The following SCUBE1 variants were observed in gnomAD, a reference collection of about 807,000 sequenced individuals.
SCUBE1 encodes the protein signal peptide, CUB domain and EGF like domain containing 1.
Under a neutral mutation model 124.4 loss-of-function variants are expected in SCUBE1, and 59 were observed. The ratio of observed to expected loss-of-function variants is 0.47; its 90% CI spans 0.38 to 0.59. The LOEUF is 0.59. Among genes scored for constraint, SCUBE1 ranks in the 20% least tolerant of loss-of-function variants. The pLI is 0.00. For synonymous variants in SCUBE1, 545 were observed against 550.9 expected (o/e 0.99, Z 0.15); for missense variants, 1,150 against 1,371.2 (o/e 0.84, Z 2.55).
In SCUBE1 at chr22:43,214,242, C is replaced by T. The variant is rs143793769; in HGVS notation, c.1901G>A (p.Gly634Glu). The change falls in exon 16 of 22, where the codon GGG becomes GAG. Residue 634 changes from glycine (G) to glutamate (E), a missense_variant. Gly to Glu is a moderately conservative substitution (Grantham distance 98, BLOSUM62 -2). Coordinates refer to ENST00000360835, the MANE Select transcript of SCUBE1 (RefSeq NM_173050.5). ...CTCACCACCGAAGTGGGTGCCAGGC[C>T]CACAGGCAACTGCAGAGGCAAAGCG... ...VLQDSKCVAC[G>E]PGTHFGGELG... is the part of the protein sequence containing the mutation. The T allele has an allele frequency of 1.9e-6, 3 of 1,611,796 alleles. No homozygotes were observed. The African/African-American group carries it at 4.0e-5, about 22-fold the overall frequency.
At chr22:43,254,724 G>A (rs1355168770) in intron 6 of SCUBE1, among the ~76,000 whole-genome samples, 1 of 152,242 alleles carries the variant, frequency 6.6e-6, no homozygotes, top group Non-Finnish European at 1.5e-5. Context: ...CCACAGCTAC[G>A]CTCAGGAGGT....
At chr22:43,308,494 T>A (rs1601879126) in intron 3 of SCUBE1, among the ~76,000 whole-genome samples, 1 of 152,372 alleles carries the variant, frequency 6.6e-6, no homozygotes, top group East Asian at 1.9e-4. Context: ...AGAAATGTAT[T>A]TGAGCTGTTG....
chr22:43,287,011 C>T (rs6003138), intron 4 of SCUBE1, among the ~76,000 whole-genome samples: 21,336 of 152,156 alleles, frequency 0.14, 1,757 homozygotes, highest in African/African-American at 0.21. Flanking sequence ...GAAGGTGCTG[C>T]CTTCTAGATA....
At position 43,201,916 on chromosome 22, in the gene SCUBE1, G is replaced by A. The variant is rs1305788882; in HGVS notation, c.*2081C>T. 6.6e-6 allele frequency: 1 copy of A among 152,212 alleles called. No homozygotes were observed. The highest frequency in any genetic ancestry group is 1.5e-5 in the Non-Finnish European group (1 of 68,060). The allele number at this position is 152,212 out of a possible 1,614,324, so 9.4% of individuals were successfully genotyped here. A position where few individuals can be genotyped will look rare whatever the true frequency, so the allele number is the denominator to read the frequency against. ...CCTCTCATCTTGGGGATGACTGACG[G>A]CTCCACAAAGGGAGGGAGGGAGGCC... On this transcript the variant is annotated 3_prime_UTR_variant, in exon 22 of 22. Transcript: ENST00000360835.
Position 43,287,754 on chromosome 22 carries a change from A to G in SCUBE1, c.484+3292T>C, listed in dbSNP as rs1925201194. ...GTCTCCTTCAGCCCTCCCAGGAGCT[A>G]TGGGAATCAGAGGTCACTTGTCTGC... On this transcript the variant is annotated intron_variant, in intron 4 of 21. Coordinates refer to ENST00000360835, the MANE Select transcript of SCUBE1 (RefSeq NM_173050.5). 1.3e-5 allele frequency among the ~76,000 whole-genome samples: 2 copies of G among 152,252 alleles called. 1 individual carries two copies. The highest frequency in any genetic ancestry group is 4.1e-4 in the South Asian group (2 of 4,838).
At position 43,291,252 on chromosome 22, in the gene SCUBE1, G is replaced by A. The variant is rs1925346572; in HGVS notation, c.350-72C>T. On this transcript the variant is annotated intron_variant, in intron 3 of 21. Transcript: ENST00000360835. Reference sequence around the variant, plus strand: ...GAAGCAGGGCATGAGGGGCTGGCGGGACAGGGATGCAGTGAATTTCCTCAC... The same window carrying A: ...GAAGCAGGGCATGAGGGGCTGGCGGAACAGGGATGCAGTGAATTTCCTCAC... 25 of 1,519,790 alleles carry A rather than the reference G, an allele frequency of 1.6e-5. No homozygotes were observed. The South Asian group carries it at 2.5e-4, about 15-fold the overall frequency. The allele number at this position is 1,519,790 out of a possible 1,614,324, so 94.1% of individuals were successfully genotyped here.
Position 43,218,358 on chromosome 22 carries a change from G to T in SCUBE1, c.1788C>A (p.Val596=), listed in dbSNP as rs202219271. 3.7e-5 allele frequency: 59 copies of T among 1,613,496 alleles called. No individual in the cohort carries two copies. In the Admixed American group the frequency reaches 5.2e-4, roughly 14 times the overall value. Residue 596 remains valine (V), a synonymous_variant, in exon 15 of 22, where the codon GTC becomes GTA. Transcript: ENST00000360835. ...CCTCGTACTCAGTGCCTGAGACCTGGACATAGAACTGCTGCCGGCCGATGG... is the reference window on the plus strand; with the variant it reads ...CCTCGTACTCAGTGCCTGAGACCTGTACATAGAACTGCTGCCGGCCGATGG... The part of the protein sequence containing the change: ...RKSIGRQQFY[V]QVSGTEYEVA...
At chr22:43,273,561 C>CTCTTTTTTTT (rs1924374504) in intron 4 of SCUBE1, among the ~76,000 whole-genome samples, 3 of 60,950 alleles carry the variant, frequency 4.9e-5, no homozygotes, top group Non-Finnish European at 8.8e-5. Context: ...CTAAAACCCT[C>CTCTTTTTTTT]TTTTTTTTTT....
Position 43,234,397 on chromosome 22 carries a change from C to T in SCUBE1, c.845-2522G>A, listed in dbSNP as rs28669995. Reference sequence around the variant, plus strand: ...GGCTGCTAAGCAGACAGGGGCAGCACGTGATCATTCTCACCACTCCTGCCT... The same window carrying T: ...GGCTGCTAAGCAGACAGGGGCAGCATGTGATCATTCTCACCACTCCTGCCT... On this transcript the variant is annotated intron_variant, in intron 7 of 21. Coordinates refer to ENST00000360835, the MANE Select transcript of SCUBE1 (RefSeq NM_173050.5). The surrounding 1 kb of genome is among the most constrained non-coding windows in gnomAD (Gnocchi z 4.4). Among the ~76,000 whole-genome samples, 30 of 152,182 alleles carry T rather than the reference C, an allele frequency of 2.0e-4. No individual in the cohort carries two copies. Among genetic ancestry groups the T allele is most frequent in the Admixed American group, 1.3e-4 (2 of 15,280 alleles).
chr22:43,325,311 C>T (rs151270733), intron 2 of SCUBE1, among the ~76,000 whole-genome samples: 1 of 152,094 alleles, frequency 6.6e-6, no homozygotes, highest in African/African-American at 2.4e-5. Flanking sequence ...GGCGTGGTGG[C>T]GCATGCCTAT....
At chr22:43,313,454 A>C (rs1206212031) in intron 3 of SCUBE1, among the ~76,000 whole-genome samples, 1 of 152,228 alleles carries the variant, frequency 6.6e-6, no homozygotes, top group African/African-American at 2.4e-5. Flanking sequence ...CTTTGTGGAG[A>C]CGGGAAGAAA....
chr22:43,291,323 T>C, intron 3 of SCUBE1, 143 bp from the exon 4 acceptor site: 1 of 869,092 alleles, frequency 1.2e-6, no homozygotes, highest in Non-Finnish European at 1.8e-6. Flanking sequence ...CCTGGTGCTG[T>C]GTGATGGTGA....
intron 2 of SCUBE1, among the ~76,000 whole-genome samples, chr22:43,321,151 C>A (rs1040595454): frequency 6.6e-6 from 1 of 152,194 alleles, no homozygotes; most frequent in Non-Finnish European, 1.5e-5. Context: ...GTGCATCTCA[C>A]GAGACGACGG....
At chr22:43,214,823 G>C (rs1478678452) in intron 15 of SCUBE1, among the ~76,000 whole-genome samples, 1 of 152,216 alleles carries the variant, frequency 6.6e-6, no homozygotes, top group Non-Finnish European at 1.5e-5. Flanking sequence ...GAGTAAGTAA[G>C]GAAACTGAGT....
At chr22:43,245,137 C>T (rs916170891) in intron 6 of SCUBE1, among the ~76,000 whole-genome samples, 9 of 152,372 alleles carry the variant, frequency 5.9e-5, no homozygotes, top group East Asian at 5.8e-4. Context: ...GCCTATCTCC[C>T]GAGGGGCCCT....
In SCUBE1 at chr22:43,222,663, G is replaced by A; in HGVS notation, c.1407C>T (p.Ser469=). 6.2e-7 allele frequency: 1 copy of A among 1,600,046 alleles called. No individual in the cohort carries two copies. The highest frequency in any genetic ancestry group is 8.5e-7 in the Non-Finnish European group (1 of 1,174,306). The part of the protein sequence containing the change: ...GKALQKRNGT[S]SGLGPSCSDA... ...CTGAGCAGCTGGGCCCGAGGCCAGAGCTGGTGCCGTTGCGTTTCTGCAGCG... is the reference window on the plus strand; with the variant it reads ...CTGAGCAGCTGGGCCCGAGGCCAGAACTGGTGCCGTTGCGTTTCTGCAGCG... Residue 469 remains serine (S), a synonymous_variant, in exon 12 of 22, where the codon AGC becomes AGT. Coordinates refer to ENST00000360835, the MANE Select transcript of SCUBE1 (RefSeq NM_173050.5).
At chr22:43,221,439 G>T in intron 12 of SCUBE1, 150 bp from the exon 13 acceptor site, 1 of 636,936 alleles carries the variant, frequency 1.6e-6, no homozygotes, top group Non-Finnish European at 2.8e-6. Context: ...CCTGGGGTGG[G>T]GGACCCTCTC....
At chr22:43,291,553 T>TG (rs958969730) in intron 3 of SCUBE1, among the ~76,000 whole-genome samples, 61 of 152,188 alleles carry the variant, frequency 4.0e-4, no homozygotes, top group African/African-American at 1.4e-3. Context: ...TGTGCTACAG[T>TG]GGCACGGTGG....
At chr22:43,219,264 C>A (rs542712359) in intron 14 of SCUBE1, among the ~76,000 whole-genome samples, 1 of 152,002 alleles carries the variant, frequency 6.6e-6, no homozygotes, top group Admixed American at 6.6e-5. Context: ...ACATAGGCAC[C>A]CCCTCCCCTC....
Sources: gnomAD v4.1 joint callset for allele counts (sites outside exome capture counted in the v4.1 genomes callset) on GRCh38, gnomAD v4.1.1 for gene constraint, Gnocchi (gnomAD v3.1) non-coding constraint, MANE v1.5 for transcripts, NCBI Gene and HGNC (gene_info 2026-07-23, HGNC 2026-07-21) for gene names.